The following SBF1 variants were observed in gnomAD, a reference collection of about 807,000 sequenced individuals.
SBF1 encodes the protein myotubularin-related protein 5.
Under a neutral mutation model 215.8 loss-of-function variants are expected in SBF1, and 65 were observed. The observed-to-expected ratio is 0.30, with a 90% CI of 0.25 to 0.37. The LOEUF is 0.37. SBF1 is among the 10% of genes least tolerant of loss of function. SBF1 has a pLI of 1.00. For synonymous variants in SBF1, 1,410 were observed against 1,122.8 expected (o/e 1.26, Z -5.11); for missense variants, 2,634 against 2,667.8 (o/e 0.99, Z 0.28).
chr22:50,473,544 G>A (rs1004267359), intron 1 of SBF1, among the ~76,000 whole-genome samples: 15 of 152,342 alleles, frequency 9.8e-5, no homozygotes, highest in Admixed American at 9.8e-4. Flanking sequence ...GACATGAGCA[G>A]AGAGGAGTGT....
At chr22:50,472,833 C>T (rs2068042921) in intron 1 of SBF1, among the ~76,000 whole-genome samples, 1 of 152,164 alleles carries the variant, frequency 6.6e-6, no homozygotes, top group African/African-American at 2.4e-5. Context: ...ATGAACAAGT[C>T]CTTCTAAGGG....
In SBF1 at chr22:50,460,578, A is replaced by C; in HGVS notation, c.3102T>G (p.Pro1034=). 1 of 1,614,080 alleles carries C rather than the reference A, an allele frequency of 6.2e-7. No individual in the cohort carries two copies. ...CCTTGGTGACTCGCGGTGGCCGGCCAGGTGTGTGGGCAGAGCCCAAGGTGA... is the reference window on the plus strand; with the variant it reads ...CCTTGGTGACTCGCGGTGGCCGGCCCGGTGTGTGGGCAGAGCCCAAGGTGA... ...FAFTLGSAHT[P]GRPPRVTKDK... is the part of the protein sequence containing the mutation. The change falls in exon 24 of 41, where the codon CCT becomes CCG. Residue 1034 remains proline (P), a synonymous_variant. Coordinates refer to ENST00000380817, the MANE Select transcript of SBF1 (RefSeq NM_002972.4).
At chr22:50,465,626 T>TGCTCCCAGGCTCCTGCTTC in intron 10 of SBF1, 137 bp downstream of exon 10, 3 of 825,322 alleles carry the variant, frequency 3.6e-6, no homozygotes, top group Non-Finnish European at 5.7e-6. Flanking sequence ...GCAGCTGCTT[T>TGCTCCCAGGCTCCTGCTTC]GCTCCCAGGC....
intron 10 of SBF1, 151 bp from the exon 11 acceptor site, chr22:50,465,479 C>T: frequency 1.4e-6 from 1 of 721,918 alleles, no homozygotes; most frequent in Admixed American, 2.6e-5. Context: ...GCCACCAGCT[C>T]CTCTGAAACT....
chr22:50,445,495 GTC>G lies in SBF1; in HGVS notation c.*1645_*1646del, dbSNP rs2066768056. 2.0e-5 allele frequency: 3 copies of G among 152,266 alleles called. No individual in the cohort carries two copies. The South Asian group carries it at 6.2e-4, about 32-fold the overall frequency. The allele number at this position is 152,266 out of a possible 1,614,324, so 9.4% of individuals were successfully genotyped here. ...ACCCGCTCAGCTCCCCAGAGGCCGA[GTC>G]TCTGCCCCAGCTACACATTGAGTGC... On this transcript the variant is annotated 3_prime_UTR_variant, in exon 41 of 41. Coordinates refer to ENST00000380817, the MANE Select transcript of SBF1 (RefSeq NM_002972.4).
chr22:50,463,217 G>C, intron 16 of SBF1, 66 bp downstream of exon 16: 3 of 1,588,592 alleles, frequency 1.9e-6, no homozygotes, highest in South Asian at 1.1e-5. Flanking sequence ...TCACAGACCA[G>C]GGTCTGCCCG....
chr22:50,464,075 G>C (rs967049913), intron 15 of SBF1, among the ~76,000 whole-genome samples: 15 of 152,232 alleles, frequency 9.9e-5, no homozygotes, highest in African/African-American at 3.6e-4. Context: ...ACATAATAGT[G>C]AAACCTTCTG....
At chr22:50,461,500 G>A (rs1283427382) in intron 22 of SBF1, 23 bp downstream of exon 22, 2 of 1,578,968 alleles carry the variant, frequency 1.3e-6, no homozygotes, top group Non-Finnish European at 1.7e-6. Context: ...GGGGCGACAG[G>A]GCCAGAGAGT....
rs751966353 is a variant in SBF1, at chr22:50,462,737, A to G, written c.1969-20T>C. 138 of 1,610,312 alleles carry G rather than the reference A, an allele frequency of 8.6e-5. No homozygotes were observed. In the Middle Eastern group the frequency reaches 1.8e-3, roughly 21 times the overall value. ...CAGCTTCTGCAGGAGCCAGGGGAGA[A>G]GGTCAGCTGGATGCAGCCAGGAAGG... On this transcript the variant is annotated intron_variant, in intron 17 of 40. Coordinates refer to ENST00000380817, the MANE Select transcript of SBF1 (RefSeq NM_002972.4).
At chr22:50,449,520 C>T (rs2066960643) in intron 36 of SBF1, among the ~76,000 whole-genome samples, 1 of 151,810 alleles carries the variant, frequency 6.6e-6, no homozygotes, top group Non-Finnish European at 1.5e-5. Context: ...GAAGCTGAGG[C>T]AGGAGAATCA....
chr22:50,466,714 C>T lies in SBF1; in HGVS notation c.550-4G>A. ...CAGCCCCCAAAGAGATCGTCCTCTG[C>T]AGCAAAAAAAGGATCGGGGCTCAGT... On this transcript the variant is annotated splice_polypyrimidine_tract_variant and splice_region_variant and intron_variant, in intron 5 of 40. Transcript: ENST00000380817. 2 of 1,517,464 alleles carry T rather than the reference C, an allele frequency of 1.3e-6. No individual in the cohort carries two copies. The highest frequency in any genetic ancestry group is 1.8e-6 in the Non-Finnish European group (2 of 1,127,766). The allele number at this position is 1,517,464 out of a possible 1,614,324, so 94.0% of individuals were successfully genotyped here.
Position 50,460,279 on chromosome 22 carries a change from C to G in SBF1, c.3276G>C (p.Glu1092Asp). ...GQPPPEDQED[E>D]ISVSEELEPS... ...CCACCCCCACCCCTCCACCTGAGAT[C>G]TCGTCCTCCTGGTCCTCAGGGGGCG... is the stretch of plus-strand genomic sequence containing the variant. The change falls in exon 25 of 41, where the codon GAG becomes GAC. Residue 1092 changes from glutamate to aspartate, a missense_variant. Transcript: ENST00000380817. 6.2e-7 allele frequency: 1 copy of G among 1,605,500 alleles called. No homozygotes were observed. Among genetic ancestry groups the G allele is most frequent in the Middle Eastern group, 1.7e-4 (1 of 6,030 alleles).
intron 32 of SBF1, 34 bp from the exon 33 acceptor site, chr22:50,455,443 C>G (rs114543782): frequency 6.2e-7 from 1 of 1,612,208 alleles, no homozygotes. Context: ...GCGAGGAGCC[C>G]GGGAGCCTGG....
rs2068124072 is a variant in SBF1 at position 50,474,884 on chromosome 22, C to T, written c.-44G>A. ...GCCCGAGGGGCGCGGGCGGGCTCCG[C>T]GGCTCGGGGACTCGAGGACGGCGCG... On this transcript the variant is annotated 5_prime_UTR_variant, in exon 1 of 41. Transcript: ENST00000380817. The T allele has an allele frequency of 1.5e-6, 2 of 1,318,166 alleles. No individual in the cohort carries two copies. Among genetic ancestry groups the T allele is most frequent in the Non-Finnish European group, 1.9e-6 (2 of 1,031,316 alleles). 81.7% of individuals were successfully genotyped at this position (1,318,166 alleles called of 1,614,324 possible). A position where few individuals can be genotyped will look rare whatever the true frequency, so the allele number is the denominator to read the frequency against.
chr22:50,466,667 G>A lies in SBF1; in HGVS notation c.593C>T (p.Thr198Ile). Residue 198 changes from threonine to isoleucine, a missense_variant, in exon 6 of 41, where the codon ACT becomes ATT. By Grantham distance (89) the Thr-to-Ile change is moderately conservative. Transcript: ENST00000380817. ...LGAGDRQVIQTPLADSLPVSR... is the reference protein window; with the variant it reads ...LGAGDRQVIQIPLADSLPVSR... ...GACGGGCAGCGAGTCGGCCAGTGGA[G>A]TCTGGATGACCTGCCGGTCACCAGC... 1 of 1,549,598 alleles carries A rather than the reference G, an allele frequency of 6.5e-7. No individual in the cohort carries two copies. The highest frequency in any genetic ancestry group is 8.7e-7 in the Non-Finnish European group (1 of 1,146,072).
chr22:50,461,835 G>A lies in SBF1; in HGVS notation c.2604C>T (p.Ala868=), dbSNP rs766274253. 16 of 1,613,654 alleles carry A rather than the reference G, an allele frequency of 9.9e-6. No homozygotes were observed. Among genetic ancestry groups the A allele is most frequent in the South Asian group, 3.3e-5 (3 of 91,092 alleles). ...IVQMHIETLE[A]VQRESRRLPP... is the part of the protein sequence containing the mutation. ...GCAGCCTCCGGCTCTCCCGCTGCAC[G>A]GCCTCCAGGGTCTCGATGTGCATCT... Residue 868 remains alanine, a synonymous_variant, in exon 21 of 41, where the codon GCC becomes GCT. Coordinates refer to ENST00000380817, the MANE Select transcript of SBF1 (RefSeq NM_002972.4).
rs753078170 is a variant in SBF1, at chr22:50,447,517, C to T, written c.5451+5G>A. 2.5e-6 allele frequency: 4 copies of T among 1,609,992 alleles called. No homozygotes were observed. The highest frequency in any genetic ancestry group is 3.4e-6 in the Non-Finnish European group (4 of 1,176,652). ...GTGAGTCCCCCCCACCACCTGATCA[C>T]TCACCTGGTGCTTGGTCTTGTCCAG... On this transcript the variant is annotated splice_donor_5th_base_variant and intron_variant, in intron 39 of 40. Coordinates refer to ENST00000380817, the MANE Select transcript of SBF1 (RefSeq NM_002972.4).
Position 50,462,032 on chromosome 22 carries a change from G to A in SBF1, c.2484C>T (p.Arg828=). 9 of 1,614,236 alleles carry A rather than the reference G, an allele frequency of 5.6e-6. No homozygotes were observed. The highest frequency in any genetic ancestry group is 1.1e-5 in the South Asian group (1 of 91,090). The change falls in exon 20 of 41, where the codon CGC becomes CGT. Residue 828 remains arginine (R), a synonymous_variant. Transcript: ENST00000380817. ...ETCDVAGAVV[R]FINRFVDKVC... Reference sequence around the variant, plus strand: ...CCTTGTCCACAAAGCGGTTGATGAAGCGGACCACAGCCCCAGCTACGTCGC... The same window carrying A: ...CCTTGTCCACAAAGCGGTTGATGAAACGGACCACAGCCCCAGCTACGTCGC...
chr22:50,452,745 A>C (rs6010058), intron 36 of SBF1, among the ~76,000 whole-genome samples: 7 of 151,216 alleles, frequency 4.6e-5, no homozygotes, highest in South Asian at 4.2e-4. Context: ...AAAAAAAAAA[A>C]AAAAAACCAT....
Sources: gnomAD v4.1 joint callset for allele counts (sites outside exome capture counted in the v4.1 genomes callset) on GRCh38, gnomAD v4.1.1 for gene constraint, MANE v1.5 for transcripts, NCBI Gene and HGNC (gene_info 2026-07-23, HGNC 2026-07-21) for gene names.